OPCML: variants seen among roughly 807,000 people sequenced by gnomAD.
OPCML encodes the protein opioid-binding protein/cell adhesion molecule.
Under a neutral mutation model 37.8 loss-of-function variants are expected in OPCML, and 13 were observed. The observed-to-expected ratio is 0.34, with a 90% CI of 0.22 to 0.55. The LOEUF is 0.55. OPCML is among the 20% of genes least tolerant of loss of function. The pLI, the probability that OPCML is intolerant of heterozygous loss-of-function variation, is 0.91. For missense variants in OPCML, 341 were observed against 435.6 expected (o/e 0.78, Z 1.93); for synonymous variants, 176 against 168.8 (o/e 1.04, Z -0.33).
chr11:133,193,174 G>C (rs1938393664), intron 1 of OPCML, among the ~76,000 whole-genome samples: 1 of 152,124 alleles, frequency 6.6e-6, no homozygotes, highest in African/African-American at 2.4e-5. Context: ...TTTCCAGTCA[G>C]ATAGTGGAAC....
chr11:132,822,418 C>A (rs900576934), intron 2 of OPCML, among the ~76,000 whole-genome samples: 1 of 152,158 alleles, frequency 6.6e-6, no homozygotes, highest in African/African-American at 2.4e-5. Flanking sequence ...CCCTGAGAAA[C>A]CAGGAGTCTC....
chr11:132,940,941 T>C (rs562717040), intron 2 of OPCML, among the ~76,000 whole-genome samples: 2 of 152,050 alleles, frequency 1.3e-5, no homozygotes, highest in Non-Finnish European at 2.9e-5. Context: ...AAAATGTAGA[T>C]AACGTGCTGA....
At chr11:132,714,187 C>A (rs140023224) in intron 2 of OPCML, among the ~76,000 whole-genome samples, 1 of 152,206 alleles carries the variant, frequency 6.6e-6, no homozygotes, top group South Asian at 2.1e-4. Flanking sequence ...CTAGCTGGTA[C>A]TGTCACTGAA....
chr11:133,253,516 G>A (rs941474045), intron 1 of OPCML, among the ~76,000 whole-genome samples: 1 of 152,074 alleles, frequency 6.6e-6, no homozygotes, highest in East Asian at 1.9e-4. Flanking sequence ...CACCATGTTG[G>A]CCAGGCTGGT....
At chr11:133,054,086 G>A (rs1254007453) in intron 1 of OPCML, among the ~76,000 whole-genome samples, 3 of 152,128 alleles carry the variant, frequency 2.0e-5, no homozygotes, top group Non-Finnish European at 2.9e-5. Flanking sequence ...AGCAGGCACT[G>A]TAGGCTCTGG....
intron 1 of OPCML, among the ~76,000 whole-genome samples, chr11:132,951,058 A>G (rs1236960797): frequency 2.0e-5 from 3 of 152,150 alleles, no homozygotes; most frequent in African/African-American, 7.2e-5. Context: ...GACTGGAGCA[A>G]ACACAGGGCA....
intron 1 of OPCML, among the ~76,000 whole-genome samples, chr11:133,184,117 A>T (rs1937963781): frequency 6.6e-6 from 1 of 152,198 alleles, no homozygotes; most frequent in Non-Finnish European, 1.5e-5. Context: ...TTCAAAAGGC[A>T]GGTGCTTCAG....
chr11:132,777,194 G>A (rs1252387915), intron 2 of OPCML, among the ~76,000 whole-genome samples: 2 of 152,278 alleles, frequency 1.3e-5, no homozygotes, highest in Admixed American at 6.5e-5. Context: ...ATGATTATTT[G>A]TGTTCTAAGA....
At chr11:133,282,814 T>C (rs981628550) in intron 1 of OPCML, among the ~76,000 whole-genome samples, 1 of 152,184 alleles carries the variant, frequency 6.6e-6, no homozygotes, top group Non-Finnish European at 1.5e-5. Flanking sequence ...CCAGTGTGGC[T>C]TGGATATGGG....
chr11:132,802,838 A>T (rs1406343965), intron 2 of OPCML, among the ~76,000 whole-genome samples: 2 of 152,162 alleles, frequency 1.3e-5, no homozygotes, highest in African/African-American at 4.8e-5. Flanking sequence ...CTGTAGGTAG[A>T]TGGGAAAAGA....
chr11:133,098,514 C>T (rs899245186), intron 1 of OPCML, among the ~76,000 whole-genome samples: 9 of 152,106 alleles, frequency 5.9e-5, no homozygotes, highest in African/African-American at 1.2e-4. Context: ...TGTGCCCATT[C>T]GGCTGGTTAA....
At chr11:132,851,857 T>C (rs78237068) in intron 2 of OPCML, among the ~76,000 whole-genome samples, 10,186 of 152,208 alleles carry the variant, frequency 0.067, 431 homozygotes, top group East Asian at 0.14. Flanking sequence ...CCTGTTCACA[T>C]GAAAGAACGC....
intron 2 of OPCML, among the ~76,000 whole-genome samples, chr11:132,866,202 C>T (rs1266721237): frequency 6.6e-6 from 1 of 152,138 alleles, no homozygotes; most frequent in Non-Finnish European, 1.5e-5. Context: ...CATTATGTGG[C>T]CAACAAAAGA....
At chr11:133,035,069 T>C (rs1947753582) in intron 1 of OPCML, among the ~76,000 whole-genome samples, 2 of 152,132 alleles carry the variant, frequency 1.3e-5, no homozygotes, top group African/African-American at 4.8e-5. Context: ...GAAAGGATGC[T>C]CTGGGAGAGT....
At chr11:132,847,327 A>T (rs1033135177) in intron 2 of OPCML, among the ~76,000 whole-genome samples, 2 of 151,970 alleles carry the variant, frequency 1.3e-5, no homozygotes, top group Non-Finnish European at 2.9e-5. Context: ...TATCCATTGC[A>T]TTAGAGTAAG....
chr11:132,826,699 A>G (rs913878782), intron 2 of OPCML, among the ~76,000 whole-genome samples: 1 of 152,232 alleles, frequency 6.6e-6, no homozygotes, highest in Non-Finnish European at 1.5e-5. Flanking sequence ...CTGCATTATG[A>G]CCACAAGATT....
At chr11:132,485,278 C>G (rs778043196) in intron 4 of OPCML, among the ~76,000 whole-genome samples, 1 of 152,076 alleles carries the variant, frequency 6.6e-6, no homozygotes, top group Admixed American at 6.6e-5. Context: ...GTGTTTATGA[C>G]AGTCCAGGAC....
At chr11:133,184,312 G>T (rs1158576892) in intron 1 of OPCML, among the ~76,000 whole-genome samples, 4 of 152,206 alleles carry the variant, frequency 2.6e-5, no homozygotes, top group African/African-American at 9.7e-5. Context: ...AGTACAACGT[G>T]CACGTGCAGA....
intron 1 of OPCML, among the ~76,000 whole-genome samples, chr11:133,217,080 C>G (rs1939614840): frequency 6.7e-6 from 1 of 149,846 alleles, no homozygotes; most frequent in African/African-American, 2.4e-5. Flanking sequence ...ACTGGCTACA[C>G]ACATCTGCCC....
Sources: allele counts gnomAD v4.1 joint callset (sites outside exome capture counted in the v4.1 genomes callset), GRCh38; gene constraint gnomAD v4.1.1; transcripts MANE v1.5; gene names NCBI Gene and HGNC (gene_info 2026-07-23, HGNC 2026-07-21).